DUSP18: variants seen among roughly 807,000 people sequenced by gnomAD.
The protein encoded by DUSP18 is dual specificity phosphatase 18.
A neutral mutation model predicts 6.3 loss-of-function variants in DUSP18; 4 were observed. The observed-to-expected ratio is 0.63, with a 90% CI of 0.31 to 1.45. The LOEUF (loss-of-function observed/expected upper bound fraction) is 1.45. Ranked by LOEUF, DUSP18 falls within the 40% of genes most tolerant of loss-of-function variation. DUSP18 has a pLI of 0.07. For synonymous variants in DUSP18, 96 were observed against 95.1 expected, an observed-to-expected ratio of 1.01 and a Z score of -0.05; for missense variants, 235 against 247.7, an observed-to-expected ratio of 0.95 and a Z score of 0.34.
chr22:30,663,724 C>G lies in DUSP18; in HGVS notation c.280G>C (p.Glu94Gln), dbSNP rs1189185065. The change falls in exon 2 of 2, where the codon GAG becomes CAG. Residue 94 changes from glutamate (E) to glutamine (Q), a missense_variant. Glu to Gln is a conservative substitution (Grantham distance 29). Coordinates refer to ENST00000334679, the MANE Select transcript of DUSP18 (RefSeq NM_152511.5). The part of the protein sequence containing the change: ...DPIADHIHSV[E>Q]MKQGRTLLHC... ...AGCAAAGTACGGCCCTGCTTCATCT[C>G]CACGCTGTGGATATGGTCAGCAATA... is the stretch of plus-strand genomic sequence containing the variant. The G allele has an allele frequency of 6.2e-7, 1 of 1,614,216 alleles. No individual in the cohort carries two copies.
chr22:30,666,521 C>A (rs1270652352), intron 1 of DUSP18, among the ~76,000 whole-genome samples: 1 of 144,348 alleles, frequency 6.9e-6, no homozygotes, highest in Non-Finnish European at 1.5e-5. Context: ...ACTCAGGAGG[C>A]TGAGACGGGA....
chr22:30,658,853 T>C (rs569572415), downstream of DUSP18, among the ~76,000 whole-genome samples: 1 of 150,928 alleles, frequency 6.6e-6, no homozygotes, highest in Non-Finnish European at 1.5e-5. Flanking sequence ...GCTTTGAAAC[T>C]GAACTGATCG....
Position 30,662,421 on chromosome 22 carries a change from T to G in DUSP18, c.*1016A>C, listed in dbSNP as rs1480503289. ...CGCTGAGACCTGATGTTAGGCCTGT[T>G]TTTCTCATGTGCCCTGGAGAAGGGG... On this transcript the variant is annotated 3_prime_UTR_variant, in exon 2 of 2. Coordinates refer to ENST00000334679, the MANE Select transcript of DUSP18 (RefSeq NM_152511.5). The G allele has an allele frequency of 6.6e-6, 1 of 152,208 alleles. No homozygotes were observed. Among genetic ancestry groups the G allele is most frequent in the African/African-American group, 2.4e-5 (1 of 41,452 alleles). 9.4% of individuals were successfully genotyped at this position (152,208 alleles called of 1,614,324 possible).
chr22:30,657,761 G>C (rs199853328), downstream of DUSP18, among the ~76,000 whole-genome samples: 1 of 151,280 alleles, frequency 6.6e-6, no homozygotes, highest in Admixed American at 6.6e-5. Flanking sequence ...AAAATTAGCC[G>C]GGTGTGGTGG....
At chr22:30,657,299 ACACACAC>A (rs1569065199), downstream of DUSP18, among the ~76,000 whole-genome samples, 6 of 64,240 alleles carry the variant, frequency 9.3e-5, no homozygotes, top group African/African-American at 1.9e-4. Flanking sequence ...ACACACACAC[ACACACAC>A]AAATTAGCCG....
At chr22:30,655,429 C>CAA (rs5844917) in intron 2 of DUSP18, among the ~76,000 whole-genome samples, 5 of 111,672 alleles carry the variant, frequency 4.5e-5, no homozygotes, top group African/African-American at 1.8e-4. Flanking sequence ...GAGATCCTAC[C>CAA]AAAAAAAAAA....
intron 2 of DUSP18, among the ~76,000 whole-genome samples, chr22:30,653,592 C>G (rs191326139): frequency 2.5e-4 from 38 of 151,690 alleles, no homozygotes; most frequent in South Asian, 4.2e-4. Context: ...AGGCTGGTCT[C>G]GAACTCCTGA....
chr22:30,654,991 A>C (rs1172577608), intron 2 of DUSP18, among the ~76,000 whole-genome samples: 1 of 152,208 alleles, frequency 6.6e-6, no homozygotes, highest in Non-Finnish European at 1.5e-5. Context: ...AAGAATAGAA[A>C]GAACCAAGAC....
At chr22:30,655,292 C>CG (rs1417950133) in intron 2 of DUSP18, among the ~76,000 whole-genome samples, 1 of 134,790 alleles carries the variant, frequency 7.4e-6, no homozygotes, top group African/African-American at 2.7e-5. Context: ...CCTGTCTCTA[C>CG]GGAAAAAAAA....
At chr22:30,656,973 ATTAAAAC>A (rs1294326347), downstream of DUSP18, among the ~76,000 whole-genome samples, 1 of 152,054 alleles carries the variant, frequency 6.6e-6, no homozygotes, top group African/African-American at 2.4e-5. Flanking sequence ...ATATAAAGTA[ATTAAAAC>A]TTAAAAAAGG....
chr22:30,659,698 A>C (rs1215404212), downstream of DUSP18, among the ~76,000 whole-genome samples: 1 of 152,206 alleles, frequency 6.6e-6, no homozygotes, highest in Non-Finnish European at 1.5e-5. Context: ...CAAGATTTGG[A>C]AATGATGTTT....
rs1293306127 is a variant in DUSP18, at chr22:30,663,040, G to A, written c.*397C>T. 5.4e-6 allele frequency: 1 copy of A among 186,494 alleles called. No homozygotes were observed. Among genetic ancestry groups the A allele is most frequent in the East Asian group, 1.4e-4 (1 of 7,298 alleles). The allele number at this position is 186,494 out of a possible 1,614,324, so 11.6% of individuals were successfully genotyped here. On this transcript the variant is annotated 3_prime_UTR_variant, in exon 2 of 2. Transcript: ENST00000334679. ...TAAGAAGCGCAAGAGGTACCATGAT[G>A]CTTAAGGCTCTGGCTCTGGGTGTGA...
At chr22:30,665,606 G>A (rs190238413) in intron 1 of DUSP18, 17 of 465,578 alleles carry the variant, frequency 3.7e-5, no homozygotes, top group Middle Eastern at 6.5e-4. Context: ...CCTCCCTCAC[G>A]TTTGACCAAC....
chr22:30,663,968 G>A lies in DUSP18; in HGVS notation c.36C>T (p.Phe12=), dbSNP rs766487745. ...TAPSCAFPVQ[F]RQPSVSGLSQ... is the part of the protein sequence containing the mutation. Reference sequence around the variant, plus strand: ...AGAGGCCGCTGACTGAGGGCTGCCGGAACTGAACTGGGAAGGCACACGAGG... The same window carrying A: ...AGAGGCCGCTGACTGAGGGCTGCCGAAACTGAACTGGGAAGGCACACGAGG... Residue 12 remains phenylalanine (F), a synonymous_variant, in exon 2 of 2, where the codon TTC becomes TTT. Coordinates refer to ENST00000334679, the MANE Select transcript of DUSP18 (RefSeq NM_152511.5). 2.5e-6 allele frequency: 4 copies of A among 1,614,044 alleles called. No homozygotes were observed. In the Admixed American group the frequency reaches 6.7e-5, roughly 27 times the overall value.
At position 30,656,313 on chromosome 22, in the gene DUSP18, A is replaced by G. The variant is rs376709977; in HGVS notation, c.*34-4016T>C. 1.6e-4 allele frequency among the ~76,000 whole-genome samples: 25 copies of G among 152,052 alleles called. No homozygotes were observed. The East Asian group carries it at 1.7e-3, about 11-fold the overall frequency. On this transcript the variant is annotated intron_variant, in intron 2 of 2. Transcript: ENST00000404885. ...TTGGATTTAACATCCCAGGATAGGA[A>G]AGCAGGGCTGTGTGCTTCAAGGTCA...
intron 1 of DUSP18, chr22:30,666,997 G>A (rs2088696168): frequency 6.6e-6 from 1 of 152,136 alleles, no homozygotes; most frequent in Admixed American, 6.6e-5. Context: ...GAGTCGCAAA[G>A]ACCACCTGAA....
In DUSP18 at chr22:30,661,455, T is replaced by TTTTTTC. The variant is rs1555900805; in HGVS notation, c.*1981_*1982insGAAAAA. 6.6e-6 allele frequency: 1 copy of TTTTTTC among 150,456 alleles called. No individual in the cohort carries two copies. The highest frequency in any genetic ancestry group is 1.5e-5 in the Non-Finnish European group (1 of 67,564). The allele number at this position is 150,456 out of a possible 1,614,324, so 9.3% of individuals were successfully genotyped here. Reference sequence around the variant, plus strand: ...TTTCTTTTCTTTTTCTTTTTTTTTTTTTTTCTTTTTGAGATGGAGTCTCAC... The same window carrying TTTTTTC: ...TTTCTTTTCTTTTTCTTTTTTTTTTTTTTTTCTTTTCTTTTTGAGATGGAGTCTCAC... On this transcript the variant is annotated 3_prime_UTR_variant, in exon 2 of 2. Coordinates refer to ENST00000334679, the MANE Select transcript of DUSP18 (RefSeq NM_152511.5).
At position 30,663,982 on chromosome 22, in the gene DUSP18, A is replaced by G. The variant is rs756663571; in HGVS notation, c.22T>C (p.Phe8Leu). 2.5e-6 allele frequency: 4 copies of G among 1,613,404 alleles called. No homozygotes were observed. In the Admixed American group the frequency reaches 5.0e-5, roughly 20 times the overall value. The change falls in exon 2 of 2, where the codon TTC becomes CTC. Residue 8 changes from phenylalanine to leucine, a missense_variant. Transcript: ENST00000334679. MTAPSCA[F>L]PVQFRQPSVS... ...GAGGGCTGCCGGAACTGAACTGGGAAGGCACACGAGGGTGCTGTCATCAAG... is the reference window on the plus strand; with the variant it reads ...GAGGGCTGCCGGAACTGAACTGGGAGGGCACACGAGGGTGCTGTCATCAAG...
chr22:30,664,780 T>G lies in DUSP18; in HGVS notation c.-77-700A>C, dbSNP rs866928658. On this transcript the variant is annotated intron_variant, in intron 1 of 1. Coordinates refer to ENST00000334679, the MANE Select transcript of DUSP18 (RefSeq NM_152511.5). The stretch of plus-strand genomic sequence containing the variant: ...CTGCACCTTGCCTCTGAAGAAGGCC[T>G]GGGAAAGGGAGTGGCTGAAAGCTTC... 3.9e-5 allele frequency among the ~76,000 whole-genome samples: 6 copies of G among 152,340 alleles called. 1 individual carries two copies. The Middle Eastern group carries it at 0.017, about 432-fold the overall frequency.
Sources: gnomAD v4.1 joint callset for allele counts (sites outside exome capture counted in the v4.1 genomes callset) on GRCh38, gnomAD v4.1.1 for gene constraint, MANE v1.5 for transcripts, NCBI Gene and HGNC (gene_info 2026-07-23, HGNC 2026-07-21) for gene names.